Variants in UNC13B observed in about 807,000 individuals in gnomAD.
UNC13B encodes the protein protein unc-13 homolog B.
UNC13B carries 144 observed loss-of-function variants against 211.0 expected under a neutral mutation model. The ratio of observed to expected loss-of-function variants is 0.68; its 90% CI spans 0.60 to 0.78. The LOEUF (loss-of-function observed/expected upper bound fraction) is 0.78, where lower values mean the gene tolerates loss of function less well. Among genes scored for constraint, UNC13B ranks in the 30% least tolerant of loss-of-function variants. UNC13B has a pLI of 0.00. For synonymous variants in UNC13B, 709 were observed against 725.8 expected (o/e 0.98, Z 0.37); for missense variants, 1,777 against 2,002.0 (o/e 0.89, Z 2.14).
At chr9:35,198,243 A>T (rs1157662387) in intron 1 of UNC13B, among the ~76,000 whole-genome samples, 1 of 152,248 alleles carries the variant, frequency 6.6e-6, no homozygotes, top group Admixed American at 6.5e-5. Context: ...ATAGGTCAGC[A>T]CCATCTGCTT....
At position 35,305,050 on chromosome 9, in the gene UNC13B, T is replaced by C. The variant is rs1829860248; in HGVS notation, c.5646T>C (p.Ser1882=). 2.5e-6 allele frequency: 1 copy of C among 398,848 alleles called. No homozygotes were observed. The highest frequency in any genetic ancestry group is 2.1e-5 in the African/African-American group (1 of 48,626). 24.7% of individuals were successfully genotyped at this position (398,848 alleles called of 1,614,324 possible). The change falls in exon 9 of 40, where the codon TCT becomes TCC. Residue 1882 remains serine, a synonymous_variant. Transcript: ENST00000635942. ...VKDDEIITTD[S]ISVSPAPQHS... ...ATGATGAAATCATTACAACAGACTC[T>C]ATTTCAGTTTCTCCTGCACCTCAGC...
intron 7 of UNC13B, chr9:35,290,998 G>A (rs1273397560): frequency 1.6e-5 from 23 of 1,478,678 alleles, no homozygotes; most frequent in Middle Eastern, 1.7e-4. Flanking sequence ...CTGAGATGGG[G>A]AAATGACTTT....
intron 7 of UNC13B, among the ~76,000 whole-genome samples, chr9:35,262,610 A>C (rs1827344120): frequency 6.6e-6 from 1 of 151,912 alleles, no homozygotes; most frequent in Non-Finnish European, 1.5e-5. Flanking sequence ...GAACCACCGC[A>C]CTTGGCCTAG....
intron 1 of UNC13B, among the ~76,000 whole-genome samples, chr9:35,225,481 T>C (rs982954510): frequency 1.3e-5 from 2 of 152,212 alleles, no homozygotes; most frequent in African/African-American, 4.8e-5. Context: ...CTTATATTGA[T>C]ATTTGTGTAT....
At chr9:35,233,707 G>A (rs1825337901) in intron 3 of UNC13B, among the ~76,000 whole-genome samples, 1 of 152,034 alleles carries the variant, frequency 6.6e-6, no homozygotes, top group Non-Finnish European at 1.5e-5. Context: ...TTCATATCTT[G>A]TTTTTAGGAT....
chr9:35,334,290 C>G (rs1347948551), intron 11 of UNC13B, among the ~76,000 whole-genome samples: 1 of 152,136 alleles, frequency 6.6e-6, no homozygotes, highest in Non-Finnish European at 1.5e-5. Context: ...TGTACCTCCC[C>G]TTACACTTGG....
chr9:35,318,367 A>G (rs1393103557), intron 11 of UNC13B, among the ~76,000 whole-genome samples: 1 of 152,206 alleles, frequency 6.6e-6, no homozygotes, highest in Non-Finnish European at 1.5e-5. Context: ...AGTTAAGCAC[A>G]ACACCAAGGA....
chr9:35,403,990 T>C lies in UNC13B; in HGVS notation c.12980T>C (p.Val4327Ala), dbSNP rs149475299. The stretch of plus-strand genomic sequence containing the variant: ...AATGACGAGGTGGCCCGAGAATTTG[T>C]GAAACTCAAATCAGAGTCTCGTTCC... ...RSNDEVAREF[V>A]KLKSESRSTE... The change falls in exon 40 of 40, where the codon GTG becomes GCG. Residue 4327 changes from valine (V) to alanine (A), a missense_variant. By Grantham distance (64) the Val-to-Ala change is moderately conservative. Coordinates refer to ENST00000635942, the MANE Select transcript of UNC13B (RefSeq NM_001371189.2). The C allele has an allele frequency of 5.0e-4, 814 of 1,613,922 alleles. 1 individual carries two copies. The highest frequency in any genetic ancestry group is 6.4e-4 in the Non-Finnish European group (760 of 1,180,026).
At chr9:35,277,427 A>AG (rs1215658010) in intron 7 of UNC13B, among the ~76,000 whole-genome samples, 1 of 152,204 alleles carries the variant, frequency 6.6e-6, no homozygotes, top group Non-Finnish European at 1.5e-5. Flanking sequence ...TAGAATGCTC[A>AG]GGGGTATCCC....
intron 37 of UNC13B, chr9:35,401,897 T>C: frequency 3.3e-6 from 5 of 1,518,804 alleles, no homozygotes; most frequent in Non-Finnish European, 4.5e-6. Context: ...TAACGGATTC[T>C]TCTTTCTCTG....
intron 6 of UNC13B, among the ~76,000 whole-genome samples, chr9:35,244,103 G>A (rs890842488): frequency 2.6e-5 from 4 of 152,016 alleles, no homozygotes; most frequent in Admixed American, 2.0e-4. Context: ...TAGAGCGTAT[G>A]GAGACAGTAT....
chr9:35,303,865 C>A lies in UNC13B; in HGVS notation c.4461C>A (p.Pro1487=), dbSNP rs116851885. The change falls in exon 9 of 40, where the codon CCC becomes CCA. Residue 1487 remains proline (P), a synonymous_variant. Transcript: ENST00000635942. ...CAGATCATGAAAAGACTACATGCCC[C>A]GTAGTTGATCAAGAATCATTAAGAA... is the stretch of plus-strand genomic sequence containing the variant. ...SSSDHEKTTC[P]VVDQESLRMD... 1.8e-5 allele frequency: 7 copies of A among 398,618 alleles called. No individual in the cohort carries two copies. In the South Asian group the frequency reaches 8.9e-4, roughly 51 times the overall value. The allele number at this position is 398,618 out of a possible 1,614,324, so 24.7% of individuals were successfully genotyped here.
At chr9:35,257,942 G>A (rs904263382) in intron 6 of UNC13B, among the ~76,000 whole-genome samples, 16 of 152,092 alleles carry the variant, frequency 1.1e-4, no homozygotes, top group African/African-American at 3.6e-4. Flanking sequence ...TCTTTTAAAA[G>A]TATAATCAAA....
chr9:35,249,763 C>A (rs939261667), intron 6 of UNC13B, among the ~76,000 whole-genome samples: 3 of 152,136 alleles, frequency 2.0e-5, no homozygotes, highest in African/African-American at 7.2e-5. Context: ...GGTAACCCGA[C>A]CTTTCTCTCT....
rs1302769121 is a variant in UNC13B at position 35,302,213 on chromosome 9, C to A, written c.2809C>A (p.His937Asn). The change falls in exon 9 of 40, where the codon CAT becomes AAT. Residue 937 changes from histidine (H) to asparagine (N), a missense_variant. Physicochemically the swap from His to Asn is moderately conservative, Grantham distance 68. Transcript: ENST00000635942. ...AAAATCTAGTTCTGTTCCAAATATTCATAGTGATCTAGGAAAATTTGACAG... is the reference window on the plus strand; with the variant it reads ...AAAATCTAGTTCTGTTCCAAATATTAATAGTGATCTAGGAAAATTTGACAG... ...SIKSSSVPNI[H>N]SDLGKFDSTE... 2 of 398,526 alleles carry A rather than the reference C, an allele frequency of 5.0e-6. No homozygotes were observed. Among genetic ancestry groups the A allele is most frequent in the Non-Finnish European group, 8.9e-6 (2 of 225,820 alleles). The allele number at this position is 398,526 out of a possible 1,614,324, so 24.7% of individuals were successfully genotyped here.
rs183407602 is a variant in UNC13B, at chr9:35,354,262, T to A, written c.9415-12685T>A. On this transcript the variant is annotated intron_variant, in intron 11 of 39. Coordinates refer to ENST00000635942, the MANE Select transcript of UNC13B (RefSeq NM_001371189.2). ...AAGAATCCTGTGTTGCATTTAAAAA[T>A]TCTTCTCTGTGGATTTGTTGCTGAG... 1.1e-4 allele frequency among the ~76,000 whole-genome samples: 16 copies of A among 152,276 alleles called. No homozygotes were observed. In the East Asian group the frequency reaches 3.1e-3, roughly 29 times the overall value.
rs562470837 is a variant in UNC13B at position 35,247,582 on chromosome 9, A to G, written c.468+4218A>G. Among the ~76,000 whole-genome samples the G allele has an allele frequency of 1.2e-3, 183 of 152,240 alleles. 9 individuals carry two copies. The South Asian group carries it at 0.036, about 30-fold the overall frequency. On this transcript the variant is annotated intron_variant, in intron 6 of 39. Coordinates refer to ENST00000635942, the MANE Select transcript of UNC13B (RefSeq NM_001371189.2). ...GCATGAAGGGCTGTTCAATTTTGTC[A>G]AAGACCTTTTCTGCATCTATTGAGA...
At chr9:35,400,118 C>A (rs953486275) in intron 36 of UNC13B, among the ~76,000 whole-genome samples, 178 bp from the exon 37 acceptor site, 1 of 152,160 alleles carries the variant, frequency 6.6e-6, no homozygotes, top group African/African-American at 2.4e-5. Context: ...TGTGGCCATC[C>A]CCTACTAATC....
At chr9:35,316,011 A>G (rs916896371) in intron 11 of UNC13B, among the ~76,000 whole-genome samples, 56 of 152,244 alleles carry the variant, frequency 3.7e-4, no homozygotes, top group African/African-American at 1.2e-3. Flanking sequence ...TTAAGTTTGC[A>G]TTGGCCAGGT....
Sources: gnomAD v4.1 joint callset for allele counts (sites outside exome capture counted in the v4.1 genomes callset) on GRCh38, gnomAD v4.1.1 for gene constraint, MANE v1.5 for transcripts, NCBI Gene and HGNC (gene_info 2026-07-23, HGNC 2026-07-21) for gene names.